RANBP3L: variants seen among roughly 807,000 people sequenced by gnomAD.
RANBP3L encodes RAN binding protein 3 like.
In RANBP3L, 56 loss-of-function variants were observed where a neutral mutation model predicts 67.2. The observed-to-expected ratio is 0.83, with a 90% CI of 0.67 to 1.04. RANBP3L has a LOEUF of 1.04. RANBP3L is among the 50% of genes least tolerant of loss of function. RANBP3L has a pLI of 0.00. For synonymous variants in RANBP3L, 164 were observed against 181.4 expected (o/e 0.90, Z 0.77); for missense variants, 496 against 535.5 (o/e 0.93, Z 0.73).
intron 11 of RANBP3L, among the ~76,000 whole-genome samples, chr5:36,254,568 C>T (rs1190834687): frequency 6.6e-6 from 1 of 151,922 alleles, no homozygotes; most frequent in African/African-American, 2.4e-5. Flanking sequence ...TTGGACCTGC[C>T]TTGGGACTAT....
intron 1 of RANBP3L, among the ~76,000 whole-genome samples, chr5:36,277,398 ATC>A (rs746299512): frequency 0.013 from 1,281 of 99,912 alleles, 12 homozygotes; most frequent in East Asian, 0.058. Context: ...CAGCTTTTTC[ATC>A]TCTCTCTCTC....
intron 1 of RANBP3L, among the ~76,000 whole-genome samples, chr5:36,301,066 C>T (rs1289113706): frequency 6.6e-6 from 1 of 152,128 alleles, no homozygotes. Context: ...TTGAATTAGA[C>T]AAAATCTAGC....
intron 2 of RANBP3L, 59 bp from the exon 3 acceptor site, chr5:36,270,049 G>T: frequency 6.7e-7 from 1 of 1,486,926 alleles, no homozygotes; most frequent in Non-Finnish European, 9.4e-7. Flanking sequence ...TTATGTTGGT[G>T]CAAAAGTTAT....
chr5:36,282,850 C>T (rs566875943), intron 1 of RANBP3L, among the ~76,000 whole-genome samples: 1 of 152,112 alleles, frequency 6.6e-6, no homozygotes, highest in East Asian at 1.9e-4. Flanking sequence ...CCCTCCTGGC[C>T]CTCAGGCATA....
Position 36,265,072 on chromosome 5 carries a change from T to C in RANBP3L, c.367A>G (p.Ile123Val). The C allele has an allele frequency of 6.2e-7, 1 of 1,609,878 alleles. No individual in the cohort carries two copies. Among genetic ancestry groups the C allele is most frequent in the South Asian group, 1.1e-5 (1 of 90,776 alleles). Reference sequence around the variant, plus strand: ...GGTAGCTGCAAAATAGCAGGTCTAATAACATGTTTAGAATGTTTCACAGGA... The same window carrying C: ...GGTAGCTGCAAAATAGCAGGTCTAACAACATGTTTAGAATGTTTCACAGGA... ...QGPVKHSKHV[I>V]RPAILQLPQA... Residue 123 changes from isoleucine (I) to valine (V), a missense_variant, in exon 6 of 14, where the codon ATT (isoleucine) becomes GTT (valine). By Grantham distance (29) the Ile-to-Val change is conservative. Transcript: ENST00000296604.
At chr5:36,297,889 T>G (rs893992714) in intron 1 of RANBP3L, among the ~76,000 whole-genome samples, 12 of 152,200 alleles carry the variant, frequency 7.9e-5, no homozygotes, top group Non-Finnish European at 1.5e-4. Context: ...GTTGCCCAGA[T>G]AACTGCTGAA....
rs542748729 is a variant in RANBP3L, at chr5:36,256,981, T to C, written c.863A>G (p.Asp288Gly). The change falls in exon 10 of 14, where the codon GAT becomes GGT. Residue 288 changes from aspartate (D) to glycine (G), a missense_variant. Coordinates refer to ENST00000296604, the MANE Select transcript of RANBP3L (RefSeq NM_145000.5). ...TTCTGTTTCCTCCCCTGTTATAACATCAATTTTCTCCAGCAAGCATTTTCG... is the reference window on the plus strand; with the variant it reads ...TTCTGTTTCCTCCCCTGTTATAACACCAATTTTCTCCAGCAAGCATTTTCG... The part of the protein sequence containing the change: ...PSRKCLLEKI[D>G]VITGEETEHN... The C allele has an allele frequency of 2.0e-5, 32 of 1,613,252 alleles. No homozygotes were observed. The South Asian group carries it at 3.2e-4, about 16-fold the overall frequency.
chr5:36,299,938 C>A (rs1303890645), intron 1 of RANBP3L, among the ~76,000 whole-genome samples: 1 of 152,122 alleles, frequency 6.6e-6, no homozygotes, highest in Non-Finnish European at 1.5e-5. Context: ...ATAATCCATA[C>A]AAGTGCATAG....
At chr5:36,263,522 T>G (rs1327979706) in intron 6 of RANBP3L, among the ~76,000 whole-genome samples, 1 of 152,186 alleles carries the variant, frequency 6.6e-6, no homozygotes, top group Non-Finnish European at 1.5e-5. Context: ...ATATTATACT[T>G]TCTATTACAT....
Position 36,247,643 on chromosome 5 carries a change from G to A in RANBP3L, c.*2011C>T, listed in dbSNP as rs1469309172. Among the ~76,000 whole-genome samples the A allele has an allele frequency of 6.6e-6, 1 of 152,192 alleles. No individual in the cohort carries two copies. Among genetic ancestry groups the A allele is most frequent in the Non-Finnish European group, 1.5e-5 (1 of 68,022 alleles). ...CACGCCTGTAATCCCAACACTTTGG[G>A]AGGCTGAGGCAAAGTGTATCACTTG... is the stretch of plus-strand genomic sequence containing the variant. On this transcript the variant is annotated 3_prime_UTR_variant, in exon 14 of 14. Transcript: ENST00000296604.
chr5:36,281,882 G>A lies in RANBP3L; in HGVS notation c.92-10571C>T, dbSNP rs183455199. Among the ~76,000 whole-genome samples, 68 of 152,246 alleles carry A rather than the reference G, an allele frequency of 4.5e-4. No individual in the cohort carries two copies. The South Asian group carries it at 4.8e-3, about 11-fold the overall frequency. The stretch of plus-strand genomic sequence containing the variant: ...ACCCATTTCTGCATAATTTGAAGGC[G>A]TTACTTTGTCTATAAATAAGACTAT... On this transcript the variant is annotated intron_variant, in intron 1 of 13. Transcript: ENST00000296604.
At chr5:36,291,609 T>C (rs6898273) in intron 1 of RANBP3L, among the ~76,000 whole-genome samples, 144,550 of 151,562 alleles carry the variant, frequency 0.95, 69,234 homozygotes, top group Non-Finnish European at 0.99. Flanking sequence ...TCCATGTGTT[T>C]TCCTTGTTCA....
chr5:36,268,576 A>G (rs1749975263), intron 4 of RANBP3L, among the ~76,000 whole-genome samples: 1 of 152,196 alleles, frequency 6.6e-6, no homozygotes, highest in Non-Finnish European at 1.5e-5. Context: ...GAAGGCATAG[A>G]GCTCATTATG....
intron 1 of RANBP3L, among the ~76,000 whole-genome samples, chr5:36,274,416 T>C (rs1750433300): frequency 6.6e-6 from 1 of 151,972 alleles, no homozygotes; most frequent in African/African-American, 2.4e-5. Context: ...AGAGGTGATA[T>C]TTAGACAGAC....
intron 1 of RANBP3L, among the ~76,000 whole-genome samples, chr5:36,297,072 C>G (rs1752268035): frequency 6.6e-6 from 1 of 151,950 alleles, no homozygotes; most frequent in Admixed American, 6.6e-5. Context: ...TTGCTGCTCC[C>G]AAAACTTAAT....
rs1176562735 is a variant in RANBP3L, at chr5:36,301,898, T to G, written c.-482A>C. ...TTTCTAAGCCTGATCTGAGTTACCCTCTGTGACAGCTGAAAGTGTACAGTT... is the reference window on the plus strand; with the variant it reads ...TTTCTAAGCCTGATCTGAGTTACCCGCTGTGACAGCTGAAAGTGTACAGTT... On this transcript the variant is annotated 5_prime_UTR_variant, in exon 1 of 14. Coordinates refer to ENST00000296604, the MANE Select transcript of RANBP3L (RefSeq NM_145000.5). The G allele has an allele frequency of 6.4e-6, 1 of 156,222 alleles. No individual in the cohort carries two copies. The highest frequency in any genetic ancestry group is 1.8e-4 in the East Asian group (1 of 5,432). The allele number at this position is 156,222 out of a possible 1,614,324, so 9.7% of individuals were successfully genotyped here. A position where few individuals can be genotyped will look rare whatever the true frequency, so the allele number is the denominator to read the frequency against.
At chr5:36,289,731 C>T (rs1180125063) in intron 1 of RANBP3L, among the ~76,000 whole-genome samples, 1 of 151,820 alleles carries the variant, frequency 6.6e-6, no homozygotes, top group Admixed American at 6.6e-5. Flanking sequence ...GACTTTGTAG[C>T]CTGATACCTT....
At chr5:36,265,890 T>C (rs1302697620) in intron 4 of RANBP3L, among the ~76,000 whole-genome samples, 5 of 146,356 alleles carry the variant, frequency 3.4e-5, no homozygotes, top group Middle Eastern at 3.7e-3. Context: ...GGAAGGAGAA[T>C]CTCTTGAACC....
At chr5:36,294,202 G>A (rs914529629) in intron 1 of RANBP3L, among the ~76,000 whole-genome samples, 6 of 152,092 alleles carry the variant, frequency 3.9e-5, no homozygotes, top group Admixed American at 1.3e-4. Context: ...GGTGTTTGTA[G>A]TATTCTCTGA....
Sources: allele counts gnomAD v4.1 joint callset (sites outside exome capture counted in the v4.1 genomes callset), GRCh38; gene constraint gnomAD v4.1.1; transcripts MANE v1.5; gene names NCBI Gene and HGNC (gene_info 2026-07-23, HGNC 2026-07-21).